The following KREMEN1 variants were observed in gnomAD, a reference collection of about 807,000 sequenced individuals.
KREMEN1 encodes the protein kringle containing transmembrane protein 1.
Under a neutral mutation model 46.5 loss-of-function variants are expected in KREMEN1, and 30 were observed. The observed-to-expected ratio is 0.65, with a 90% CI of 0.48 to 0.88. The LOEUF is 0.88. Among genes scored for constraint, KREMEN1 ranks in the 40% least tolerant of loss-of-function variants. The pLI is 0.00. For synonymous variants in KREMEN1, 214 were observed against 230.6 expected (o/e 0.93, Z 0.65); for missense variants, 533 against 596.9 (o/e 0.89, Z 1.11).
chr22:29,165,603 C>A (rs754183964), intron 9 of KREMEN1, among the ~76,000 whole-genome samples: 1 of 152,178 alleles, frequency 6.6e-6, no homozygotes, highest in Non-Finnish European at 1.5e-5. Context: ...TCACAACAGG[C>A]TAGTAATAAT....
chr22:29,076,213 T>C (rs1483977778), intron 1 of KREMEN1, among the ~76,000 whole-genome samples: 1 of 152,210 alleles, frequency 6.6e-6, no homozygotes, highest in Non-Finnish European at 1.5e-5. Flanking sequence ...TCAGGTTATG[T>C]TTGCTGTGAA....
chr22:29,097,956 C>T (rs929682109), intron 2 of KREMEN1, among the ~76,000 whole-genome samples: 1 of 152,052 alleles, frequency 6.6e-6, no homozygotes, highest in Non-Finnish European at 1.5e-5. Flanking sequence ...CCGAGATGGG[C>T]AGATCACTTG....
In KREMEN1 at chr22:29,145,356, T is replaced by C. The variant is rs1399132866; in HGVS notation, c.*3244T>C. 6.1e-6 allele frequency: 6 copies of C among 985,404 alleles called. No individual in the cohort carries two copies. Among genetic ancestry groups the C allele is most frequent in the African/African-American group, 3.5e-5 (2 of 57,220 alleles). The allele number at this position is 985,404 out of a possible 1,614,324, so 61.0% of individuals were successfully genotyped here. On this transcript the variant is annotated 3_prime_UTR_variant, in exon 9 of 9. Coordinates refer to ENST00000400335, the MANE Select transcript of KREMEN1 (RefSeq NM_001039570.3). Reference sequence around the variant, plus strand: ...AGGGGAGGGGCTTCGGGGACCACTGTGGACAGAGCTCTGAAAGCACCCTGG... The same window carrying C: ...AGGGGAGGGGCTTCGGGGACCACTGCGGACAGAGCTCTGAAAGCACCCTGG...
chr22:29,094,319 C>T lies in KREMEN1; in HGVS notation c.159C>T (p.Gly53=), dbSNP rs371152545. The change falls in exon 2 of 9, where the codon GGC becomes GGT. Residue 53 remains glycine, a synonymous_variant. Transcript: ENST00000400335. The part of the protein sequence containing the change: ...RGTQNWTALQ[G]GKPCLFWNET... Reference sequence around the variant, plus strand: ...CACAGAACTGGACAGCACTACAAGGCGGGAAGCCATGTCTGTTTTGGAACG... The same window carrying T: ...CACAGAACTGGACAGCACTACAAGGTGGGAAGCCATGTCTGTTTTGGAACG... The T allele has an allele frequency of 5.0e-6, 8 of 1,613,608 alleles. No homozygotes were observed. The highest frequency in any genetic ancestry group is 1.1e-5 in the South Asian group (1 of 91,070).
At chr22:29,133,956 T>C (rs1281028045) in intron 5 of KREMEN1, 1 of 152,218 alleles carries the variant, frequency 6.6e-6, no homozygotes, top group Admixed American at 6.5e-5. Flanking sequence ...TTCATGTTTA[T>C]TGATTCTTTC....
chr22:29,131,546 ATATATATATATATATGTGTGTG>A (rs1327072100), intron 5 of KREMEN1, among the ~76,000 whole-genome samples: 4,907 of 45,840 alleles, frequency 0.11, 141 homozygotes, highest in Non-Finnish European at 0.16. Context: ...ATATATATAT[ATATATATATATATATGTGTGTG>A]TGTGTGTGTG....
intron 1 of KREMEN1, among the ~76,000 whole-genome samples, chr22:29,088,053 C>T (rs1449939990): frequency 6.6e-6 from 1 of 152,086 alleles, no homozygotes. Flanking sequence ...AGATGTGTTT[C>T]ATCATATTTA....
intron 3 of KREMEN1, among the ~76,000 whole-genome samples, chr22:29,110,571 A>G (rs2038132101): frequency 6.6e-6 from 1 of 152,220 alleles, no homozygotes; most frequent in Non-Finnish European, 1.5e-5. Context: ...TTATGGGATC[A>G]GGATTTTTAG....
In KREMEN1 at chr22:29,087,979, G is replaced by C. The variant is rs148983136; in HGVS notation, c.98-6279G>C. On this transcript the variant is annotated intron_variant, in intron 1 of 8. Coordinates refer to ENST00000400335, the MANE Select transcript of KREMEN1 (RefSeq NM_001039570.3). The stretch of plus-strand genomic sequence containing the variant: ...TTTTCCTGGGACTCTATTAACTTGT[G>C]TTTTCCTCACTTATGATTAGTATAA... Among the ~76,000 whole-genome samples, 599 of 152,212 alleles carry C rather than the reference G, an allele frequency of 3.9e-3. 4 individuals are homozygous for C. Among genetic ancestry groups the C allele is most frequent in the African/African-American group, 0.014 (571 of 41,540 alleles).
intron 8 of KREMEN1, among the ~76,000 whole-genome samples, chr22:29,141,285 CTGTG>C (rs1345390879): frequency 7.2e-6 from 1 of 139,276 alleles, no homozygotes; most frequent in African/African-American, 3.0e-5. Context: ...GTGTCTGTGT[CTGTG>C]TGTGTGTGTC....
chr22:29,135,445 G>C (rs1186474333), intron 5 of KREMEN1, among the ~76,000 whole-genome samples: 2 of 152,196 alleles, frequency 1.3e-5, no homozygotes, highest in Non-Finnish European at 2.9e-5. Flanking sequence ...GCTGCCGAAG[G>C]CTTTTACTTT....
chr22:29,137,320 G>A, intron 5 of KREMEN1, 22 bp from the exon 6 acceptor site: 2 of 1,440,820 alleles, frequency 1.4e-6, no homozygotes, highest in Non-Finnish European at 1.8e-6. Context: ...CTGAGGGCGT[G>A]GTGTCTTTTT....
At chr22:29,093,960 T>C (rs1271971436) in intron 1 of KREMEN1, among the ~76,000 whole-genome samples, 3 of 152,256 alleles carry the variant, frequency 2.0e-5, no homozygotes, top group Non-Finnish European at 4.4e-5. Flanking sequence ...CCTGGTTCAC[T>C]TCATGGGCTT....
Position 29,145,632 on chromosome 22 carries a change from C to T in KREMEN1, c.*3520C>T, listed in dbSNP as rs1294331662. ...AAGGCAGGCGGGAGGCACACGGTGC[C>T]CTGTTCTTCCCCGTTTGTCCAGTTG... On this transcript the variant is annotated 3_prime_UTR_variant, in exon 9 of 9. Coordinates refer to ENST00000400335, the MANE Select transcript of KREMEN1 (RefSeq NM_001039570.3). The T allele has an allele frequency of 6.1e-6, 6 of 985,414 alleles. No homozygotes were observed. The highest frequency in any genetic ancestry group is 6.0e-6 in the Non-Finnish European group (5 of 830,016). The allele number at this position is 985,414 out of a possible 1,614,324, so 61.0% of individuals were successfully genotyped here.
At position 29,121,334 on chromosome 22, in the gene KREMEN1, TTTTG is replaced by T. The variant is rs2038352768; in HGVS notation, c.353-19_353-16del. ...TTCACAGCCAGATGTTGCGAAATTCTTTTGTTTTTCTTTTTTCTTTAGTGCCTGG... is the reference window on the plus strand; with the variant it reads ...TTCACAGCCAGATGTTGCGAAATTCTTTTTTCTTTTTTCTTTAGTGCCTGG... On this transcript the variant is annotated intron_variant, in intron 3 of 8. Transcript: ENST00000400335. 1 of 1,612,492 alleles carries T rather than the reference TTTTG, an allele frequency of 6.2e-7. No individual in the cohort carries two copies. Among genetic ancestry groups the T allele is most frequent in the Non-Finnish European group, 8.5e-7 (1 of 1,179,210 alleles).
At chr22:29,075,933 C>T (rs1467093457) in intron 1 of KREMEN1, among the ~76,000 whole-genome samples, 3 of 152,206 alleles carry the variant, frequency 2.0e-5, no homozygotes, top group Non-Finnish European at 2.9e-5. Flanking sequence ...AATCCTACTT[C>T]TAATTACAAT....
intron 3 of KREMEN1, among the ~76,000 whole-genome samples, chr22:29,113,376 G>A (rs566434133): frequency 1.6e-4 from 24 of 152,178 alleles, no homozygotes; most frequent in Admixed American, 3.9e-4. Context: ...GAATCAAACC[G>A]TTTTCTGAGG....
At chr22:29,088,303 G>A (rs1319943235) in intron 1 of KREMEN1, among the ~76,000 whole-genome samples, 1 of 96,028 alleles carries the variant, frequency 1.0e-5, no homozygotes, top group East Asian at 3.3e-4. Context: ...GTGCACGCGT[G>A]CATACACACA....
intron 3 of KREMEN1, among the ~76,000 whole-genome samples, chr22:29,102,228 G>T (rs368939766): frequency 8.5e-5 from 13 of 152,232 alleles, no homozygotes; most frequent in East Asian, 7.7e-4. Flanking sequence ...AGGCCTCCAG[G>T]GGGAAAGGCA....
Sources: allele counts gnomAD v4.1 joint callset (sites outside exome capture counted in the v4.1 genomes callset), GRCh38; gene constraint gnomAD v4.1.1; transcripts MANE v1.5; gene names NCBI Gene and HGNC (gene_info 2026-07-23, HGNC 2026-07-21).